Variants in ATP8B4 observed in about 807,000 individuals in gnomAD.
The protein encoded by ATP8B4 is probable phospholipid-transporting ATPase IM.
In ATP8B4, 133 loss-of-function variants were observed where a neutral mutation model predicts 145.6. The ratio of observed to expected loss-of-function variants is 0.91; its 90% CI spans 0.79 to 1.05. ATP8B4 has a LOEUF of 1.05. ATP8B4 is among the 50% of genes least tolerant of loss of function. The pLI is 0.00. For synonymous variants in ATP8B4, 507 were observed against 492.9 expected, an observed-to-expected ratio of 1.03 and a Z score of -0.38; for missense variants, 1,458 against 1,425.2, an observed-to-expected ratio of 1.02 and a Z score of -0.37.
At chr15:49,997,770 C>T (rs2047548424) in intron 8 of ATP8B4, among the ~76,000 whole-genome samples, 1 of 152,094 alleles carries the variant, frequency 6.6e-6, no homozygotes. Flanking sequence ...CAATATGAGT[C>T]CAACTCAAGG....
chr15:50,137,703 T>C (rs1030409371), intron 1 of ATP8B4, among the ~76,000 whole-genome samples: 4 of 152,204 alleles, frequency 2.6e-5, no homozygotes, highest in Admixed American at 2.0e-4. Context: ...TCCTTAATCA[T>C]GCTCACGATG....
chr15:50,157,067 C>G (rs573404606), intron 1 of ATP8B4, among the ~76,000 whole-genome samples: 1 of 151,914 alleles, frequency 6.6e-6, no homozygotes, highest in African/African-American at 2.4e-5. Context: ...ACAGATCAAA[C>G]GAAATATTAA....
intron 2 of ATP8B4, among the ~76,000 whole-genome samples, chr15:50,079,943 AT>A (rs1482023600): frequency 6.6e-6 from 1 of 152,168 alleles, no homozygotes. Flanking sequence ...CATTTGCATC[AT>A]TTTTTGACAC....
upstream of ATP8B4, among the ~76,000 whole-genome samples, chr15:50,122,368 G>C (rs986655367): frequency 1.3e-5 from 2 of 152,180 alleles, no homozygotes; most frequent in African/African-American, 4.8e-5. Flanking sequence ...ATGTGCAGAT[G>C]AGGAGATTCT....
chr15:49,965,593 C>T (rs1056272381), intron 13 of ATP8B4, among the ~76,000 whole-genome samples: 18 of 152,248 alleles, frequency 1.2e-4, no homozygotes, highest in African/African-American at 3.1e-4. Flanking sequence ...GATAAAAGCA[C>T]GCAAACAAGA....
At chr15:50,139,346 A>G (rs531185090) in intron 1 of ATP8B4, among the ~76,000 whole-genome samples, 1 of 152,262 alleles carries the variant, frequency 6.6e-6, no homozygotes, top group East Asian at 1.9e-4. Context: ...ACAGAAAACC[A>G]AACACCGCAT....
At chr15:49,937,197 C>G (rs1374303191) in intron 14 of ATP8B4, among the ~76,000 whole-genome samples, 1 of 152,176 alleles carries the variant, frequency 6.6e-6, no homozygotes, top group Non-Finnish European at 1.5e-5. Flanking sequence ...TCTTTAACAC[C>G]AAGACTGAGC....
intron 25 of ATP8B4, 117 bp downstream of exon 25, chr15:49,876,161 C>T: frequency 1.5e-6 from 2 of 1,354,766 alleles, no homozygotes; most frequent in Non-Finnish European, 2.0e-6. Context: ...CTTAAAAGGA[C>T]AGCCCCAGTA....
At chr15:50,003,553 T>A (rs12907589) in intron 7 of ATP8B4, among the ~76,000 whole-genome samples, 179 of 151,810 alleles carry the variant, frequency 1.2e-3, no homozygotes, top group Middle Eastern at 3.4e-3. Flanking sequence ...GAAAAAAAAA[T>A]TTTTTTTGAA....
chr15:50,010,317 T>C (rs890547156), intron 7 of ATP8B4, among the ~76,000 whole-genome samples: 1 of 152,120 alleles, frequency 6.6e-6, no homozygotes, highest in African/African-American at 2.4e-5. Flanking sequence ...CATTTGAGTA[T>C]ATAAATTATA....
At chr15:49,971,030 CT>C (rs1483064248) in intron 13 of ATP8B4, among the ~76,000 whole-genome samples, 1 of 152,150 alleles carries the variant, frequency 6.6e-6, no homozygotes, top group Non-Finnish European at 1.5e-5. Context: ...AAAGGATTCC[CT>C]GTTTAATAAA....
intron 8 of ATP8B4, among the ~76,000 whole-genome samples, chr15:49,999,406 G>T (rs1010547233): frequency 6.8e-6 from 1 of 147,192 alleles, no homozygotes; most frequent in Non-Finnish European, 1.5e-5. Context: ...AGGGCGGAGG[G>T]ATAGCTTTAG....
chr15:50,141,729 T>C (rs1194937470), intron 1 of ATP8B4, among the ~76,000 whole-genome samples: 3 of 152,214 alleles, frequency 2.0e-5, no homozygotes, highest in Non-Finnish European at 4.4e-5. Flanking sequence ...GTGAATTTTA[T>C]GGCATGTAAA....
chr15:50,066,004 A>G (rs1410020869), intron 3 of ATP8B4, among the ~76,000 whole-genome samples: 1 of 78,952 alleles, frequency 1.3e-5, no homozygotes, highest in Non-Finnish European at 2.8e-5. Context: ...CAGAGGCCAG[A>G]AAAAAAAAAA....
intron 16 of ATP8B4, among the ~76,000 whole-genome samples, chr15:49,927,618 C>CA (rs1170084971): frequency 2.0e-5 from 3 of 152,096 alleles, no homozygotes; most frequent in African/African-American, 7.2e-5. Flanking sequence ...GGTTAGGCTG[C>CA]AATTTCTCCA....
At chr15:50,016,917 T>C (rs2049134376) in intron 6 of ATP8B4, among the ~76,000 whole-genome samples, 1 of 152,170 alleles carries the variant, frequency 6.6e-6, no homozygotes, top group South Asian at 2.1e-4. Context: ...AACATTCCCT[T>C]GAGGGGCAGT....
At chr15:49,899,979 T>C (rs2037839993) in intron 21 of ATP8B4, among the ~76,000 whole-genome samples, 1 of 152,198 alleles carries the variant, frequency 6.6e-6, no homozygotes, top group Non-Finnish European at 1.5e-5. Context: ...TCACCACACA[T>C]TGGATTCTTT....
intron 14 of ATP8B4, among the ~76,000 whole-genome samples, chr15:49,960,035 T>G (rs1437724768): frequency 6.7e-6 from 1 of 148,364 alleles, no homozygotes; most frequent in Non-Finnish European, 1.5e-5. Flanking sequence ...TTTTTTTGGT[T>G]TTTTTTTTTT....
Position 50,044,605 on chromosome 15 carries a change from T to C in ATP8B4, c.289A>G (p.Thr97Ala). The change falls in exon 5 of 28, where the codon ACA becomes GCA. Residue 97 changes from threonine (T) to alanine (A), a missense_variant. By Grantham distance (58) the Thr-to-Ala change is moderately conservative. Coordinates refer to ENST00000284509, the MANE Select transcript of ATP8B4 (RefSeq NM_024837.4). ...VITMTAVKDA[T>A]DDYFRHKSDN... ...GAGCAAATACTCACATAGTCATCTG[T>C]GGCATCTTTGACAGCTGTCATAGTT... is the stretch of plus-strand genomic sequence containing the variant. 7.5e-6 allele frequency: 12 copies of C among 1,609,408 alleles called. No homozygotes were observed. Among genetic ancestry groups the C allele is most frequent in the Admixed American group, 1.7e-5 (1 of 59,866 alleles).
Sources: allele counts gnomAD v4.1 joint callset (sites outside exome capture counted in the v4.1 genomes callset), GRCh38; gene constraint gnomAD v4.1.1; transcripts MANE v1.5; gene names NCBI Gene and HGNC (gene_info 2026-07-23, HGNC 2026-07-21).